DCAF8L2: variants seen among roughly 807,000 people sequenced by gnomAD.
DCAF8L2 encodes the protein DDB1- and CUL4-associated factor 8-like protein 2.
For synonymous variants in DCAF8L2, 200 were observed against 190.9 expected (o/e 1.05, Z -0.39); for missense variants, 430 against 490.7 (o/e 0.88, Z 1.17).
chrX:27,480,152 T>C, the DCAF8L2 span, among the ~76,000 whole-genome samples: 1 of 112,463 alleles, frequency 8.9e-6, no homozygotes, highest in Non-Finnish European at 1.9e-5. Context: ...TTTTTAAATA[T>C]ATTTATTCAA....
the DCAF8L2 span, among the ~76,000 whole-genome samples, chrX:27,500,748 G>A: frequency 0.53 from 58,211 of 110,458 alleles, 12,630 homozygotes; most frequent in South Asian, 0.78. Context: ...TTATTACCTG[G>A]GAAATAGCCC....
chrX:27,716,487 GAAAT>G (rs1931705730), intron 4 of DCAF8L2, among the ~76,000 whole-genome samples: 2 of 112,149 alleles, frequency 1.8e-5, no homozygotes, highest in African/African-American at 6.5e-5. Flanking sequence ...ACAATAATCA[GAAAT>G]AAAGCAAACA....
chrX:27,594,633 G>T (rs1410304270), intron 1 of DCAF8L2, among the ~76,000 whole-genome samples: 4 of 111,288 alleles, frequency 3.6e-5, no homozygotes, highest in Non-Finnish European at 7.5e-5. Flanking sequence ...AGAAAATGAG[G>T]ATAATCTAAG....
the DCAF8L2 span, among the ~76,000 whole-genome samples, chrX:27,552,975 A>T: frequency 9.0e-6 from 1 of 111,399 alleles, no homozygotes; most frequent in Non-Finnish European, 1.9e-5. Flanking sequence ...GAAATCTTTC[A>T]ATTCTTTGGT....
chrX:27,669,221 C>G (rs750090046), intron 2 of DCAF8L2, among the ~76,000 whole-genome samples: 10 of 111,239 alleles, frequency 9.0e-5, no homozygotes, highest in African/African-American at 2.6e-4. Context: ...ACATGCTTAA[C>G]AAATTAATAA....
At chrX:27,592,395 T>TA (rs1356240207) in intron 1 of DCAF8L2, among the ~76,000 whole-genome samples, 1 of 92,323 alleles carries the variant, frequency 1.1e-5, no homozygotes, top group Non-Finnish European at 2.1e-5. Flanking sequence ...CAGGAGAGCA[T>TA]TGTTTTTTTT....
chrX:27,672,309 C>T (rs1602719999), intron 2 of DCAF8L2, among the ~76,000 whole-genome samples: 1 of 111,589 alleles, frequency 9.0e-6, no homozygotes, highest in Non-Finnish European at 1.9e-5. Context: ...TTTGGGTAAT[C>T]GTTTTTAAAC....
chrX:27,628,805 A>G (rs1276915725), intron 1 of DCAF8L2, among the ~76,000 whole-genome samples: 1 of 109,819 alleles, frequency 9.1e-6, no homozygotes, highest in Non-Finnish European at 1.9e-5. Context: ...GGGTTTCACC[A>G]TGTTAGCCAG....
At chrX:27,734,882 AAC>A (rs1921431756) in intron 4 of DCAF8L2, among the ~76,000 whole-genome samples, 1 of 112,005 alleles carries the variant, frequency 8.9e-6, no homozygotes, top group Non-Finnish European at 1.9e-5. Context: ...GCGAAAAGCA[AAC>A]ACAATATACT....
At position 27,747,918 on chromosome X, in the gene DCAF8L2, T is replaced by C. The variant is rs921920331; in HGVS notation, c.1023T>C (p.Ala341=). ...AGTTCCTCACTTCAGGTGAAGATGC[T>C]GTTGTCTTCACCATTGACCTCAGAC... is the stretch of plus-strand genomic sequence containing the variant. ...PYKFLTSGED[A]VVFTIDLRQD... The change falls in exon 5 of 5, where the codon GCT becomes GCC. Residue 341 remains alanine (A), a synonymous_variant. Transcript: ENST00000451261. The C allele has an allele frequency of 1.1e-5, 13 of 1,210,045 alleles. No homozygotes were observed. The highest frequency in any genetic ancestry group is 1.8e-5 in the South Asian group (1 of 56,764).
chrX:27,530,747 TC>T, the DCAF8L2 span, among the ~76,000 whole-genome samples: 2 of 112,120 alleles, frequency 1.8e-5, no homozygotes, highest in Non-Finnish European at 3.8e-5. Context: ...AGAATTACAC[TC>T]ACTCATTGAA....
At chrX:27,621,187 T>C (rs2147155143) in intron 1 of DCAF8L2, among the ~76,000 whole-genome samples, 1 of 111,454 alleles carries the variant, frequency 9.0e-6, no homozygotes, top group Admixed American at 9.6e-5. Flanking sequence ...GGGAGATATT[T>C]TTTAATGTGT....
intron 2 of DCAF8L2, among the ~76,000 whole-genome samples, chrX:27,637,722 G>C (rs1318119010): frequency 8.2e-5 from 9 of 110,156 alleles, no homozygotes; most frequent in African/African-American, 2.6e-4. Context: ...TGAATAAAAG[G>C]GGGCTCAAAA....
At position 27,671,242 on chromosome X, in the gene DCAF8L2, G is replaced by C. The variant is rs761357302; in HGVS notation, c.-219-6594G>C. 1.1e-3 allele frequency among the ~76,000 whole-genome samples: 123 copies of C among 112,131 alleles called. No individual in the cohort carries two copies. In the Middle Eastern group the frequency reaches 0.028, roughly 25 times the overall value. On this transcript the variant is annotated intron_variant, in intron 2 of 4. Transcript: ENST00000451261. ...TCTACCAGTAGTTGGTTGCTACTGA[G>C]TACCTTTCTACATACAGTCTGGTAA...
At chrX:27,727,713 T>C (rs1932116454) in intron 4 of DCAF8L2, among the ~76,000 whole-genome samples, 1 of 111,871 alleles carries the variant, frequency 8.9e-6, no homozygotes, top group African/African-American at 3.2e-5. Context: ...TTTATTTAGA[T>C]TGTATTGAAT....
chrX:27,620,891 A>C (rs1393475486), intron 1 of DCAF8L2, among the ~76,000 whole-genome samples: 1 of 112,251 alleles, frequency 8.9e-6, no homozygotes, highest in African/African-American at 3.2e-5. Flanking sequence ...AGCATTATTA[A>C]CAGCAGCTAA....
the DCAF8L2 span, among the ~76,000 whole-genome samples, chrX:27,516,710 C>T: frequency 6.3e-5 from 7 of 111,344 alleles, no homozygotes; most frequent in African/African-American, 1.6e-4. Context: ...TTGAGACTAT[C>T]GTTATGAATT....
intron 3 of DCAF8L2, among the ~76,000 whole-genome samples, chrX:27,679,908 T>C (rs1026685940): frequency 1.8e-5 from 2 of 111,915 alleles, no homozygotes; most frequent in Non-Finnish European, 3.8e-5. Context: ...TAGATCTAGC[T>C]AGAACAACAT....
intron 2 of DCAF8L2, among the ~76,000 whole-genome samples, chrX:27,649,227 G>A (rs1481181974): frequency 2.7e-5 from 3 of 112,109 alleles, no homozygotes; most frequent in African/African-American, 9.7e-5. Context: ...CACCTAAGTT[G>A]ATTCCATGTC....
Sources: allele counts gnomAD v4.1 joint callset (sites outside exome capture counted in the v4.1 genomes callset), GRCh38; gene constraint gnomAD v4.1.1; transcripts MANE v1.5; gene names NCBI Gene and HGNC (gene_info 2026-07-23, HGNC 2026-07-21).